NXPE2: variants seen among roughly 807,000 people sequenced by gnomAD.
The protein encoded by NXPE2 is NXPE family member 2.
A neutral mutation model predicts 34.4 loss-of-function variants in NXPE2; 34 were observed. The observed-to-expected ratio is 0.99, with a 90% CI of 0.75 to 1.31. NXPE2 has a LOEUF of 1.31. Ranked by LOEUF, NXPE2 falls within the 40% of genes most tolerant of loss-of-function variation. The probability of loss-of-function intolerance (pLI) is 0.00; values close to 1 mark genes in which losing one functional copy is unlikely to be tolerated. For missense variants in NXPE2, 649 were observed against 672.5 expected, an observed-to-expected ratio of 0.97 and a Z score of 0.39; for synonymous variants, 235 against 231.3, an observed-to-expected ratio of 1.02 and a Z score of -0.15.
the NXPE2 span, among the ~76,000 whole-genome samples, chr11:114,579,751 A>C: frequency 6.6e-6 from 1 of 152,236 alleles, no homozygotes; most frequent in Non-Finnish European, 1.5e-5. Context: ...TAGGAGGTAG[A>C]GAAGTCAGGT....
the NXPE2 span, chr11:114,522,465 T>G: frequency 6.2e-7 from 1 of 1,609,438 alleles, no homozygotes; most frequent in Non-Finnish European, 8.5e-7. Context: ...AAATGTTTCT[T>G]AAAGATTCCA....
chr11:114,513,911 A>G, the NXPE2 span, among the ~76,000 whole-genome samples: 2 of 152,250 alleles, frequency 1.3e-5, no homozygotes, highest in African/African-American at 4.8e-5. Context: ...TATCATGTGA[A>G]CATGGTACAA....
the NXPE2 span, among the ~76,000 whole-genome samples, chr11:114,730,864 C>T: frequency 6.6e-6 from 1 of 152,090 alleles, no homozygotes; most frequent in African/African-American, 2.4e-5. Context: ...TTCCTATTTT[C>T]CTATTTGGAT....
the NXPE2 span, among the ~76,000 whole-genome samples, chr11:114,589,373 G>A: frequency 1.3e-5 from 2 of 152,130 alleles, no homozygotes; most frequent in Non-Finnish European, 2.9e-5. Context: ...GGACACCAGA[G>A]CCAGCCTCTT....
the NXPE2 span, chr11:114,530,487 C>A: frequency 1.9e-6 from 3 of 1,614,048 alleles, no homozygotes; most frequent in East Asian, 4.5e-5. Context: ...GGAGACCTGG[C>A]CCTCCCAGAA....
chr11:114,705,633 A>G, intron 4 of NXPE2, 148 bp from the exon 5 acceptor site: 1 of 521,818 alleles, frequency 1.9e-6, no homozygotes, highest in Non-Finnish European at 3.4e-6. Context: ...ATCTTATTAA[A>G]TAAATATTTG....
chr11:114,731,821 A>G, the NXPE2 span, among the ~76,000 whole-genome samples: 28 of 152,344 alleles, frequency 1.8e-4, no homozygotes, highest in Admixed American at 5.2e-4. Context: ...GGATTATGTC[A>G]ATGTTAACAT....
the NXPE2 span, among the ~76,000 whole-genome samples, chr11:114,474,109 C>T: frequency 6.6e-6 from 1 of 152,010 alleles, no homozygotes; most frequent in Non-Finnish European, 1.5e-5. Flanking sequence ...TGCTTTTGCA[C>T]AGTTAAGTTT....
the NXPE2 span, among the ~76,000 whole-genome samples, chr11:114,500,257 A>T: frequency 6.6e-6 from 1 of 152,150 alleles, no homozygotes; most frequent in Non-Finnish European, 1.5e-5. Flanking sequence ...GTTATTCCAC[A>T]TCAGTATTAA....
the NXPE2 span, among the ~76,000 whole-genome samples, chr11:114,645,434 G>C: frequency 4.1e-3 from 618 of 152,168 alleles, 5 homozygotes; most frequent in South Asian, 0.029. Flanking sequence ...AGGAGAAAAT[G>C]GAAAATGATG....
the NXPE2 span, among the ~76,000 whole-genome samples, chr11:114,809,449 T>C: frequency 6.1e-4 from 89 of 145,926 alleles, no homozygotes; most frequent in Non-Finnish European, 8.0e-4. Context: ...AAAACCCCAT[T>C]GTCTCAGCCC....
the NXPE2 span, among the ~76,000 whole-genome samples, chr11:114,627,191 A>G: frequency 6.6e-6 from 1 of 152,216 alleles, no homozygotes; most frequent in Admixed American, 6.5e-5. Flanking sequence ...ACTCCTCGAG[A>G]AGAGCAACCC....
the NXPE2 span, among the ~76,000 whole-genome samples, chr11:114,630,140 A>G: frequency 2.0e-5 from 3 of 151,784 alleles, no homozygotes; most frequent in Non-Finnish European, 2.9e-5. Context: ...CAAGCTACCA[A>G]TGACTTTCTT....
At chr11:114,533,996 G>T in the NXPE2 span, among the ~76,000 whole-genome samples, 1 of 152,328 alleles carries the variant, frequency 6.6e-6, no homozygotes, top group East Asian at 1.9e-4. Flanking sequence ...CCTCAAGTGG[G>T]TCCCTGACCC....
At chr11:114,731,436 C>T in the NXPE2 span, among the ~76,000 whole-genome samples, 7 of 152,126 alleles carry the variant, frequency 4.6e-5, no homozygotes, top group Non-Finnish European at 1.5e-5. Context: ...AGTTTTCATG[C>T]AGCTTTATTG....
the NXPE2 span, among the ~76,000 whole-genome samples, chr11:114,562,502 T>C: frequency 3.2e-4 from 48 of 152,226 alleles, no homozygotes; most frequent in Non-Finnish European, 6.3e-4. Flanking sequence ...AATACTATTA[T>C]TTTACATATT....
At chr11:114,757,429 A>G in the NXPE2 span, among the ~76,000 whole-genome samples, 1 of 151,312 alleles carries the variant, frequency 6.6e-6, no homozygotes, top group Non-Finnish European at 1.5e-5. Context: ...TCTACTGGTA[A>G]CAGAAGCTCT....
chr11:114,807,353 A>C, the NXPE2 span, among the ~76,000 whole-genome samples: 12 of 152,342 alleles, frequency 7.9e-5, no homozygotes, highest in African/African-American at 2.9e-4. Flanking sequence ...ATTAACTTTA[A>C]ATGTAAATGG....
At chr11:114,530,426 C>G in the NXPE2 span, 1 of 1,614,192 alleles carries the variant, frequency 6.2e-7, no homozygotes. Context: ...GGTTCCTTGC[C>G]CTCCAGAGAG....
Sources: gnomAD v4.1 joint callset for allele counts (sites outside exome capture counted in the v4.1 genomes callset) on GRCh38, gnomAD v4.1.1 for gene constraint, MANE v1.5 for transcripts, NCBI Gene and HGNC (gene_info 2026-07-23, HGNC 2026-07-21) for gene names.